Variants in WRN observed in about 807,000 individuals in gnomAD.
WRN encodes the protein bifunctional 3'-5' exonuclease/ATP-dependent helicase WRN.
In WRN, 149 loss-of-function variants were observed where a neutral mutation model predicts 180.7. The observed-to-expected ratio is 0.82, with a 90% CI of 0.72 to 0.94. The LOEUF (loss-of-function observed/expected upper bound fraction) is 0.94, where lower values mean the gene tolerates loss of function less well. Among genes scored for constraint, WRN ranks in the 40% least tolerant of loss-of-function variants. The pLI, the probability that WRN is intolerant of heterozygous loss-of-function variation, is 0.00. For missense variants in WRN, 1,661 were observed against 1,700.1 expected, an observed-to-expected ratio of 0.98 and a Z score of 0.40; for synonymous variants, 548 against 568.9, an observed-to-expected ratio of 0.96 and a Z score of 0.52.
chr8:31,057,503 A>T (rs1812316217), intron 1 of WRN, among the ~76,000 whole-genome samples: 2 of 152,158 alleles, frequency 1.3e-5, no homozygotes, highest in South Asian at 2.1e-4. Flanking sequence ...CCCAGGAGGC[A>T]GATCTTGCAG....
chr8:31,081,918 A>G (rs1338927751), intron 9 of WRN, among the ~76,000 whole-genome samples: 1 of 151,562 alleles, frequency 6.6e-6, no homozygotes, highest in Non-Finnish European at 1.5e-5. Context: ...GCACCACTAC[A>G]CTCAGCTAAT....
intron 33 of WRN, among the ~76,000 whole-genome samples, chr8:31,165,779 TGG>T (rs1803832634): frequency 6.6e-6 from 1 of 152,204 alleles, no homozygotes; most frequent in South Asian, 2.1e-4. Context: ...CAAAGTAAAT[TGG>T]GATACATACA....
At position 31,173,870 on chromosome 8, in the gene WRN, T is replaced by A. The variant is rs1804188913; in HGVS notation, c.*768T>A. On this transcript the variant is annotated 3_prime_UTR_variant, in exon 35 of 35. Transcript: ENST00000298139. The stretch of plus-strand genomic sequence containing the variant: ...TCTTATGTAGCACATGTGACTTAAT[T>A]TAAAACCTATACTGTGACACAGAGT... 2 of 152,290 alleles carry A rather than the reference T, an allele frequency of 1.3e-5. No homozygotes were observed. The highest frequency in any genetic ancestry group is 4.1e-4 in the South Asian group (2 of 4,832). 9.4% of individuals were successfully genotyped at this position (152,290 alleles called of 1,614,324 possible).
chr8:31,110,443 A>C (rs1563356974), intron 18 of WRN, among the ~76,000 whole-genome samples: 1 of 152,168 alleles, frequency 6.6e-6, no homozygotes, highest in Non-Finnish European at 1.5e-5. Flanking sequence ...TAATTTTTTT[A>C]ATTTGAAAAA....
chr8:31,078,878 A>T (rs1180718366), intron 8 of WRN, among the ~76,000 whole-genome samples: 1 of 152,202 alleles, frequency 6.6e-6, no homozygotes, highest in East Asian at 1.9e-4. Context: ...TATCTTACAT[A>T]AAGCATGTTA....
At chr8:31,110,258 T>G (rs964221060) in intron 18 of WRN, among the ~76,000 whole-genome samples, 1 of 152,188 alleles carries the variant, frequency 6.6e-6, no homozygotes, top group South Asian at 2.1e-4. Context: ...CTTTATAGAT[T>G]AGCTTGTTCA....
intron 7 of WRN, among the ~76,000 whole-genome samples, chr8:31,072,401 A>G (rs1338063423): frequency 6.6e-6 from 1 of 152,198 alleles, no homozygotes; most frequent in Non-Finnish European, 1.5e-5. Context: ...CAAACAGAGA[A>G]GAGTCCACGG....
intron 1 of WRN, among the ~76,000 whole-genome samples, chr8:31,044,342 CTTTTTTTTTT>C (rs34518426): frequency 1.5e-5 from 1 of 68,338 alleles, no homozygotes; most frequent in South Asian, 6.9e-4. Context: ...GCCCGACCTT[CTTTTTTTTTT>C]TTTTTTTTTT....
At chr8:31,080,766 A>G in intron 8 of WRN, 101 bp from the exon 9 acceptor site, 1 of 948,740 alleles carries the variant, frequency 1.1e-6, no homozygotes, top group Non-Finnish European at 1.6e-6. Flanking sequence ...TTTTAAGTGA[A>G]GGTCAGCTTA....
At chr8:31,154,157 T>C (rs1318578219) in intron 31 of WRN, among the ~76,000 whole-genome samples, 1 of 151,924 alleles carries the variant, frequency 6.6e-6, no homozygotes, top group East Asian at 1.9e-4. Context: ...CTTAGATTTC[T>C]AGTTGGGATG....
chr8:31,167,010 T>A lies in WRN; in HGVS notation c.3983-12T>A, dbSNP rs1030922641. ...AATTTATTTTGAAATGGAGTTTTTT[T>A]ATCGTTTACAGATATGAGTAAAATT... On this transcript the variant is annotated splice_polypyrimidine_tract_variant and intron_variant, in intron 33 of 34. Coordinates refer to ENST00000298139, the MANE Select transcript of WRN (RefSeq NM_000553.6). 6 of 1,608,088 alleles carry A rather than the reference T, an allele frequency of 3.7e-6. No individual in the cohort carries two copies. Among genetic ancestry groups the A allele is most frequent in the African/African-American group, 2.7e-5 (2 of 74,818 alleles).
chr8:31,081,048 C>T lies in WRN; in HGVS notation c.1021C>T (p.His341Tyr), dbSNP rs1369532355. ...AATTAGAGAACATGAAGTTTTAATT[C>T]ACGTTGAAGATGAAACATGGGACCC... The part of the protein sequence containing the change: ...KQIREHEVLI[H>Y]VEDETWDPTL... The change falls in exon 9 of 35, where the codon CAC (histidine) becomes TAC (tyrosine). Residue 341 changes from histidine (H) to tyrosine (Y), a missense_variant. By Grantham distance (83) the His-to-Tyr change is moderately conservative. Coordinates refer to ENST00000298139, the MANE Select transcript of WRN (RefSeq NM_000553.6). 2 of 1,613,932 alleles carry T rather than the reference C, an allele frequency of 1.2e-6. No individual in the cohort carries two copies. The highest frequency in any genetic ancestry group is 2.2e-5 in the South Asian group (2 of 91,068).
chr8:31,045,119 T>C (rs1009343113), intron 1 of WRN, among the ~76,000 whole-genome samples: 1 of 152,214 alleles, frequency 6.6e-6, no homozygotes, highest in Non-Finnish European at 1.5e-5. Context: ...AATAACTTGT[T>C]TTTTCTCAAA....
At chr8:31,136,883 G>T (rs1020890465) in intron 24 of WRN, among the ~76,000 whole-genome samples, 1 of 151,148 alleles carries the variant, frequency 6.6e-6, no homozygotes, top group Non-Finnish European at 1.5e-5. Context: ...GCCCAAATCC[G>T]TAAGCTATGT....
chr8:31,062,130 C>T (rs1490677769), intron 3 of WRN, among the ~76,000 whole-genome samples: 1 of 152,140 alleles, frequency 6.6e-6, no homozygotes, highest in Non-Finnish European at 1.5e-5. Context: ...CTTCATTTCC[C>T]TTCCCTTAGA....
rs187099573 is a variant in WRN at position 31,102,449 on chromosome 8, C to G, written c.2088+1494C>G. 1.8e-3 allele frequency among the ~76,000 whole-genome samples: 276 copies of G among 152,286 alleles called. 6 individuals are homozygous for G. The highest frequency in any genetic ancestry group is 0.016 in the Admixed American group (251 of 15,298). On this transcript the variant is annotated intron_variant, in intron 18 of 34. Transcript: ENST00000298139. ...TTGTGGTTGTCTGAACATGGACTTA[C>G]ACAAACCTACATGATAAAGCTTACT...
chr8:31,111,572 A>C, intron 18 of WRN, 43 bp from the exon 19 acceptor site: 1 of 1,600,134 alleles, frequency 6.2e-7, no homozygotes, highest in Non-Finnish European at 8.6e-7. Context: ...TTGGGAATGA[A>C]TGAGCTCTTT....
chr8:31,040,555 A>G lies in WRN; in HGVS notation c.-77+6582A>G, dbSNP rs138704988. ...AAGAATTATCACAGAAACCTGATAA[A>G]ATGTTTCAAGAAGATGGGTGTGATT... On this transcript the variant is annotated intron_variant, in intron 1 of 34. Transcript: ENST00000298139. Among the ~76,000 whole-genome samples the G allele has an allele frequency of 2.7e-3, 417 of 152,330 alleles. 3 individuals carry two copies. Among genetic ancestry groups the G allele is most frequent in the Admixed American group, 0.012 (190 of 15,304 alleles).
Position 31,116,611 on chromosome 8 carries a change from T to C in WRN, c.2448+83T>C, listed in dbSNP as rs1801534086. On this transcript the variant is annotated intron_variant, in intron 20 of 34. Transcript: ENST00000298139. ...AAATGTTTATTTACCAGATCTTTAT[T>C]GAATACTTTCTTTGTGTTGAACATA... 3 of 1,565,146 alleles carry C rather than the reference T, an allele frequency of 1.9e-6. No homozygotes were observed. The South Asian group carries it at 3.4e-5, about 18-fold the overall frequency.
Sources: gnomAD v4.1 joint callset for allele counts (sites outside exome capture counted in the v4.1 genomes callset) on GRCh38, gnomAD v4.1.1 for gene constraint, MANE v1.5 for transcripts, NCBI Gene and HGNC (gene_info 2026-07-23, HGNC 2026-07-21) for gene names.